The following AEBP2 variants were observed in gnomAD, a reference collection of about 807,000 sequenced individuals.
AEBP2 encodes the protein zinc finger protein AEBP2.
In AEBP2, 10 loss-of-function variants were observed where a neutral mutation model predicts 50.8. That is an observed-to-expected ratio of 0.20 (90% confidence interval 0.12 to 0.33). The LOEUF (loss-of-function observed/expected upper bound fraction) is 0.33, where lower values mean the gene tolerates loss of function less well. Ranked by LOEUF, AEBP2 falls within the 10% of genes least tolerant of loss-of-function variation. The pLI is 1.00. For missense variants in AEBP2, 570 were observed against 688.0 expected, an observed-to-expected ratio of 0.83 and a Z score of 1.92; for synonymous variants, 296 against 261.3, an observed-to-expected ratio of 1.13 and a Z score of -1.28.
At chr12:19,427,119 C>T (rs901980189) in intron 1 of AEBP2, among the ~76,000 whole-genome samples, 3 of 151,694 alleles carry the variant, frequency 2.0e-5, no homozygotes, top group Non-Finnish European at 4.4e-5. Context: ...TGGCTTATGC[C>T]GCCTGTAATC....
chr12:19,441,110 C>A (rs768974275), intron 1 of AEBP2, among the ~76,000 whole-genome samples: 5 of 152,106 alleles, frequency 3.3e-5, no homozygotes, highest in Non-Finnish European at 7.4e-5. Context: ...CTTGAAGGTA[C>A]AACGTAGTTT....
At chr12:19,460,334 A>G (rs974075139) in intron 1 of AEBP2, among the ~76,000 whole-genome samples, 1 of 152,138 alleles carries the variant, frequency 6.6e-6, no homozygotes, top group Non-Finnish European at 1.5e-5. Context: ...GTATTGGTAT[A>G]TAGGTGAACG....
intron 5 of AEBP2, among the ~76,000 whole-genome samples, chr12:19,506,089 T>A (rs1470593775): frequency 1.3e-5 from 2 of 152,070 alleles, no homozygotes; most frequent in Admixed American, 6.6e-5. Flanking sequence ...GCCTAGTTTT[T>A]AAAATAATAT....
intron 1 of AEBP2, among the ~76,000 whole-genome samples, chr12:19,443,418 A>G (rs1947999253): frequency 6.6e-6 from 1 of 151,406 alleles, no homozygotes. Context: ...CTTAAGTGCT[A>G]CTTTTAAAAA....
chr12:19,519,571 T>C lies in AEBP2; in HGVS notation c.*1454T>C, dbSNP rs1176206133. The C allele has an allele frequency of 6.6e-6, 1 of 152,640 alleles. No homozygotes were observed. The highest frequency in any genetic ancestry group is 2.4e-5 in the African/African-American group (1 of 41,480). The allele number at this position is 152,640 out of a possible 1,614,324, so 9.5% of individuals were successfully genotyped here. A position where few individuals can be genotyped will look rare whatever the true frequency, so the allele number is the denominator to read the frequency against. On this transcript the variant is annotated 3_prime_UTR_variant, in exon 8 of 8. Coordinates refer to ENST00000266508, the MANE Select transcript of AEBP2 (RefSeq NM_153207.5). ...AAGGACATTGTAAAGTATGTGGTTA[T>C]ATGCAGTGAAACTGCAGAAAATACT...
intron 1 of AEBP2, chr12:19,413,358 A>G: frequency 1.9e-6 from 2 of 1,063,258 alleles, no homozygotes; most frequent in Non-Finnish European, 2.9e-6. Flanking sequence ...AACAAGGTTT[A>G]ATAGAAATCC....
intron 1 of AEBP2, among the ~76,000 whole-genome samples, chr12:19,451,601 A>G (rs575158224): frequency 6.6e-6 from 1 of 152,258 alleles, no homozygotes; most frequent in African/African-American, 2.4e-5. Context: ...ATTAAATTCA[A>G]GGGGAGGTAA....
chr12:19,465,627 A>G lies in AEBP2; in HGVS notation c.879+2910A>G, dbSNP rs117069500. On this transcript the variant is annotated intron_variant, in intron 2 of 7. Transcript: ENST00000266508. ...GGCTGGTCTCCAACTCCTCGACTCAAGCGATCTGCCCGCCTTGGCCTCTGA... is the reference window on the plus strand; with the variant it reads ...GGCTGGTCTCCAACTCCTCGACTCAGGCGATCTGCCCGCCTTGGCCTCTGA... 3.0e-4 allele frequency among the ~76,000 whole-genome samples: 46 copies of G among 152,002 alleles called. No individual in the cohort carries two copies. The East Asian group carries it at 8.6e-3, about 28-fold the overall frequency.
At chr12:19,437,553 G>A (rs1195521780), upstream of AEBP2, among the ~76,000 whole-genome samples, 1 of 152,064 alleles carries the variant, frequency 6.6e-6, no homozygotes, top group East Asian at 1.9e-4. Flanking sequence ...ATTTTACCCA[G>A]GCTGGTCTCA....
intron 1 of AEBP2, among the ~76,000 whole-genome samples, chr12:19,423,816 G>A (rs1429297751): frequency 6.6e-6 from 1 of 152,028 alleles, no homozygotes; most frequent in African/African-American, 2.4e-5. Flanking sequence ...GCTCCAGCCT[G>A]GGCGACAGAG....
At chr12:19,423,123 G>GAGAGCA in intron 1 of AEBP2, among the ~76,000 whole-genome samples, 4 of 132,940 alleles carry the variant, frequency 3.0e-5, no homozygotes, top group Non-Finnish European at 6.3e-5. Context: ...TAAGTTTCAT[G>GAGAGCA]AGAGCAGAGT....
chr12:19,516,395 G>C (rs553911187), intron 7 of AEBP2, among the ~76,000 whole-genome samples: 1 of 151,722 alleles, frequency 6.6e-6, no homozygotes, highest in African/African-American at 2.4e-5. Flanking sequence ...CTCTCTTAGA[G>C]AGTTGTCAAA....
In AEBP2 at chr12:19,433,596, A is replaced by G. The variant is rs536500619; in HGVS notation, c.-16-28914A>G. Among the ~76,000 whole-genome samples, 427 of 152,120 alleles carry G rather than the reference A, an allele frequency of 2.8e-3. 2 individuals carry two copies. Among genetic ancestry groups the G allele is most frequent in the African/African-American group, 9.8e-3 (408 of 41,532 alleles). ...GGAGTTTGAGACCAGCCTGGCCAAC[A>G]TAATGAAACCCCATCTCTATTAAAA... On this transcript the variant is annotated intron_variant, in intron 1 of 3. Transcript: ENST00000538425.
At chr12:19,409,100 A>G (rs2095737890) in intron 1 of AEBP2, among the ~76,000 whole-genome samples, 1 of 152,114 alleles carries the variant, frequency 6.6e-6, no homozygotes, top group African/African-American at 2.4e-5. Context: ...CCCCAAAAGA[A>G]CCCAACTTGA....
chr12:19,411,405 C>G (rs554663828), intron 1 of AEBP2, among the ~76,000 whole-genome samples: 1 of 152,318 alleles, frequency 6.6e-6, no homozygotes, highest in South Asian at 2.1e-4. Context: ...GAGACCCAGC[C>G]TTGCCAGAGA....
At chr12:19,437,540 G>A (rs1218829664), upstream of AEBP2, among the ~76,000 whole-genome samples, 1 of 151,806 alleles carries the variant, frequency 6.6e-6, no homozygotes, top group Non-Finnish European at 1.5e-5. Flanking sequence ...ACAGGGTCTC[G>A]CTATTTTACC....
intron 1 of AEBP2, among the ~76,000 whole-genome samples, chr12:19,429,433 AAC>A (rs1314472189): frequency 2.6e-5 from 4 of 152,172 alleles, no homozygotes; most frequent in Admixed American, 2.6e-4. Flanking sequence ...TGCCGCAATA[AAC>A]ACACGTGTGC....
intron 1 of AEBP2, among the ~76,000 whole-genome samples, chr12:19,429,825 T>A (rs2095750525): frequency 6.7e-6 from 1 of 149,046 alleles, no homozygotes; most frequent in South Asian, 2.1e-4. Flanking sequence ...TGATGGGAGT[T>A]TTTTTTTTTT....
chr12:19,494,998 C>G (rs1321892591), intron 4 of AEBP2, among the ~76,000 whole-genome samples: 3 of 150,858 alleles, frequency 2.0e-5, no homozygotes, highest in Non-Finnish European at 3.0e-5. Context: ...CCTCCGACTT[C>G]CGGGTTCAAG....
Sources: allele counts gnomAD v4.1 joint callset (sites outside exome capture counted in the v4.1 genomes callset), GRCh38; gene constraint gnomAD v4.1.1; transcripts MANE v1.5; gene names NCBI Gene and HGNC (gene_info 2026-07-23, HGNC 2026-07-21).